Variants in ANKRD54 observed in about 807,000 individuals in gnomAD.
ANKRD54 encodes the protein ankyrin repeat domain-containing protein 54.
A neutral mutation model predicts 36.2 loss-of-function variants in ANKRD54; 26 were observed. The observed-to-expected ratio is 0.72, with a 90% CI of 0.53 to 1.00. The LOEUF is 1.00. Ranked by LOEUF, ANKRD54 falls within the 50% of genes least tolerant of loss-of-function variation. The probability of loss-of-function intolerance (pLI) is 0.00; values close to 1 mark genes in which losing one functional copy is unlikely to be tolerated. For synonymous variants in ANKRD54, 209 were observed against 188.4 expected (o/e 1.11, Z -0.89); for missense variants, 384 against 424.3 (o/e 0.91, Z 0.83).
At position 37,836,212 on chromosome 22, in the gene ANKRD54, C is replaced by T. The variant is rs535006687; in HGVS notation, c.475+2288G>A. Among the ~76,000 whole-genome samples the T allele has an allele frequency of 1.6e-4, 24 of 149,190 alleles. No individual in the cohort carries two copies. In the South Asian group the frequency reaches 1.9e-3, roughly 12 times the overall value. Reference sequence around the variant, plus strand: ...CTGTAATCCCAGCGCTATGGGAGGCCGAGGCGGGTGGATCACCTGAGGTCA... The same window carrying T: ...CTGTAATCCCAGCGCTATGGGAGGCTGAGGCGGGTGGATCACCTGAGGTCA... On this transcript the variant is annotated intron_variant, in intron 3 of 7. Coordinates refer to ENST00000215941, the MANE Select transcript of ANKRD54 (RefSeq NM_138797.4).
intron 6 of ANKRD54, 102 bp from the exon 7 acceptor site, chr22:37,832,846 G>T: frequency 6.2e-7 from 1 of 1,603,476 alleles, no homozygotes; most frequent in Non-Finnish European, 8.5e-7. Context: ...ACTGGGGTCA[G>T]TGTGAAACAA....
upstream of ANKRD54, chr22:37,848,471 C>G (rs1485423699): frequency 1.3e-5 from 2 of 151,996 alleles, no homozygotes; most frequent in African/African-American, 4.8e-5. Flanking sequence ...TCTCGGCTCA[C>G]TACAGCCTCT....
chr22:37,846,091 C>T (rs1039677761), upstream of ANKRD54, among the ~76,000 whole-genome samples: 2 of 151,792 alleles, frequency 1.3e-5, no homozygotes, highest in Non-Finnish European at 2.9e-5. Context: ...AGGAGAATGG[C>T]GTGAACCCAG....
chr22:37,843,900 GCGCCGCTCAC>G lies in ANKRD54; in HGVS notation c.328+1_328+10del, dbSNP rs1173429072. ...CCCGCCCCGGGCCCCCGCGCCGCTC[GCGCCGCTCAC>G]CGTGCACCTCCTTGCCCGTGGGCCC... On this transcript the variant is annotated splice_donor_variant and splice_donor_5th_base_variant and intron_variant, in intron 1 of 7. Coordinates refer to ENST00000215941, the MANE Select transcript of ANKRD54 (RefSeq NM_138797.4). LOFTEE classifies it high-confidence loss of function. The G allele has an allele frequency of 8.2e-7, 1 of 1,221,170 alleles. No individual in the cohort carries two copies. The highest frequency in any genetic ancestry group is 1.6e-5 in the African/African-American group (1 of 63,230). 75.6% of individuals were successfully genotyped at this position (1,221,170 alleles called of 1,614,324 possible).
Position 37,831,821 on chromosome 22 carries a change from T to C in ANKRD54, c.*122A>G. ...ATCTCTGCCCCACGGCATCTGCGGG[T>C]GAGGGCAAGGTCCTCACCAGACAAG... On this transcript the variant is annotated 3_prime_UTR_variant, in exon 8 of 8. Coordinates refer to ENST00000215941, the MANE Select transcript of ANKRD54 (RefSeq NM_138797.4). 1 of 998,164 alleles carries C rather than the reference T, an allele frequency of 1.0e-6. No homozygotes were observed. Among genetic ancestry groups the C allele is most frequent in the Non-Finnish European group, 1.5e-6 (1 of 683,280 alleles). 61.8% of individuals were successfully genotyped at this position (998,164 alleles called of 1,614,324 possible).
At chr22:37,835,908 C>A (rs890107382) in intron 3 of ANKRD54, among the ~76,000 whole-genome samples, 5 of 152,214 alleles carry the variant, frequency 3.3e-5, no homozygotes, top group Admixed American at 2.6e-4. Flanking sequence ...CACGCGATCT[C>A]GGCTCACTGT....
rs542946578 is a variant in ANKRD54, at chr22:37,836,510, T to C, written c.475+1990A>G. On this transcript the variant is annotated intron_variant, in intron 3 of 7. Transcript: ENST00000215941. ...TGAACATATAGTTCATAAAAGAGGA[T>C]GTAAAAATGGTCAATAATTGGACAC... Among the ~76,000 whole-genome samples the C allele has an allele frequency of 1.6e-4, 16 of 101,420 alleles. No homozygotes were observed. The East Asian group carries it at 4.5e-3, about 28-fold the overall frequency. 66.5% of individuals were successfully genotyped at this position (101,420 alleles called of 152,430 possible). A position where few individuals can be genotyped will look rare whatever the true frequency, so the allele number is the denominator to read the frequency against.
chr22:37,832,345 TTTG>T (rs372047892), intron 7 of ANKRD54, among the ~76,000 whole-genome samples: 140 of 152,176 alleles, frequency 9.2e-4, no homozygotes, highest in African/African-American at 3.2e-3. Flanking sequence ...GGTTTTTTTT[TTTG>T]TTGTTTTTAT....
In ANKRD54 at chr22:37,844,313, T is replaced by C. The variant is rs771824669; in HGVS notation, c.-75A>G. On this transcript the variant is annotated 5_prime_UTR_variant, in exon 1 of 8. Transcript: ENST00000215941. ...CCAACGGACCTACTTCCCTCCGCCCTGAGTCGTGCTGTCAGCGAGCTGGCG... is the reference window on the plus strand; with the variant it reads ...CCAACGGACCTACTTCCCTCCGCCCCGAGTCGTGCTGTCAGCGAGCTGGCG... 4.8e-6 allele frequency: 7 copies of C among 1,455,046 alleles called. No homozygotes were observed. Among genetic ancestry groups the C allele is most frequent in the African/African-American group, 1.5e-5 (1 of 67,444 alleles). The allele number at this position is 1,455,046 out of a possible 1,614,324, so 90.1% of individuals were successfully genotyped here.
intron 1 of ANKRD54, among the ~76,000 whole-genome samples, chr22:37,840,468 T>C (rs1366051201): frequency 2.0e-5 from 3 of 147,374 alleles, no homozygotes; most frequent in Non-Finnish European, 4.5e-5. Context: ...CTGAGGCGGG[T>C]GAATGGCGTG....
In ANKRD54 at chr22:37,832,668, G is replaced by C. The variant is rs572547424; in HGVS notation, c.797C>G (p.Thr266Ser). 6.8e-6 allele frequency: 11 copies of C among 1,614,166 alleles called. No homozygotes were observed. Among genetic ancestry groups the C allele is most frequent in the African/African-American group, 4.0e-5 (3 of 75,052 alleles). Reference sequence around the variant, plus strand: ...TTTGGTACTGGTCATCTGCAGGCGGGTGCAGAGGTCATCCAGGCGTTCTCG... The same window carrying C: ...TTTGGTACTGGTCATCTGCAGGCGGCTGCAGAGGTCATCCAGGCGTTCTCG... ...EQRERLDDLC[T>S]RLQMTSTKEQ... The change falls in exon 7 of 8, where the codon ACC (threonine) becomes AGC (serine). Residue 266 changes from threonine (T) to serine (S), a missense_variant. By Grantham distance (58) the Thr-to-Ser change is moderately conservative. Around this residue, in one of 3 missense-constraint regions of ANKRD54, gnomAD observed 179 missense variants for 224.0 expected, o/e 0.80. Transcript: ENST00000215941.
At chr22:37,834,855 G>A (rs879817634) in intron 3 of ANKRD54, 2 of 152,000 alleles carry the variant, frequency 1.3e-5, no homozygotes, top group Non-Finnish European at 2.9e-5. Flanking sequence ...GAGGTCAGGA[G>A]TTCAAGACCA....
At chr22:37,844,862 C>T (rs1204717357), upstream of ANKRD54, among the ~76,000 whole-genome samples, 1 of 152,026 alleles carries the variant, frequency 6.6e-6, no homozygotes, top group Admixed American at 6.6e-5. Context: ...GCCACCGCGC[C>T]CGGCCTTTTT....
intron 3 of ANKRD54, among the ~76,000 whole-genome samples, chr22:37,835,522 A>G (rs59040877): frequency 0.045 from 6,818 of 152,184 alleles, 517 homozygotes; most frequent in African/African-American, 0.15. Context: ...TCAATAAGAA[A>G]AAGGCCAGGC....
Position 37,843,917 on chromosome 22 carries a change from C to T in ANKRD54, c.322G>A (p.Val108Met). 6 of 1,331,746 alleles carry T rather than the reference C, an allele frequency of 4.5e-6. No homozygotes were observed. Among genetic ancestry groups the T allele is most frequent in the Non-Finnish European group, 5.7e-6 (6 of 1,045,118 alleles). The allele number at this position is 1,331,746 out of a possible 1,614,324, so 82.5% of individuals were successfully genotyped here. ...CGCCGCTCGCGCCGCTCACCGTGCA[C>T]CTCCTTGCCCGTGGGCCCGAGCCGC... ...HRRLGPTGKE[V>M]HALKRLRDSA... is the part of the protein sequence containing the mutation. Residue 108 changes from valine to methionine, a missense_variant, in exon 1 of 8, where the codon GTG becomes ATG. By Grantham distance (21) the Val-to-Met change is conservative. Around this residue, in one of 3 missense-constraint regions of ANKRD54, gnomAD observed 195 missense variants for 177.7 expected, o/e 1.10. Transcript: ENST00000215941.
In ANKRD54 at chr22:37,832,646, G is replaced by C. The variant is rs772461135; in HGVS notation, c.819C>G (p.Thr273=). 1 of 1,614,006 alleles carries C rather than the reference G, an allele frequency of 6.2e-7. No homozygotes were observed. The highest frequency in any genetic ancestry group is 1.1e-5 in the South Asian group (1 of 91,080). Residue 273 remains threonine, a synonymous_variant, in exon 7 of 8, where the codon ACC becomes ACG. Coordinates refer to ENST00000215941, the MANE Select transcript of ANKRD54 (RefSeq NM_138797.4). ...TGTGGCTGCAGCTCACCTGCTCTTT[G>C]GTACTGGTCATCTGCAGGCGGGTGC... The part of the protein sequence containing the change: ...DLCTRLQMTS[T]KEQVDEVTDL...
intron 7 of ANKRD54, 94 bp from the exon 8 acceptor site, chr22:37,832,111 C>A: frequency 1.6e-6 from 2 of 1,212,566 alleles, no homozygotes; most frequent in South Asian, 2.7e-5. Context: ...AACACAGGCA[C>A]GGTCTCTCCT....
chr22:37,847,873 C>T (rs1292005968), upstream of ANKRD54: 2 of 307,890 alleles, frequency 6.5e-6, no homozygotes, highest in African/African-American at 4.5e-5. Context: ...TGGGGCTGGG[C>T]ATTGCAATTC....
intron 3 of ANKRD54, among the ~76,000 whole-genome samples, chr22:37,836,125 C>T (rs532331999): frequency 3.3e-5 from 5 of 150,598 alleles, no homozygotes; most frequent in South Asian, 2.1e-4. Context: ...TGAGATACCG[C>T]GCCCAGGCAA....
Sources: allele counts gnomAD v4.1 joint callset (sites outside exome capture counted in the v4.1 genomes callset), GRCh38; gene constraint gnomAD v4.1.1; regional missense constraint gnomAD v4.1.1; transcripts MANE v1.5; gene names NCBI Gene and HGNC (gene_info 2026-07-23, HGNC 2026-07-21).